ARHGAP31: variants seen among roughly 807,000 people sequenced by gnomAD.
ARHGAP31 encodes rho GTPase-activating protein 31.
In ARHGAP31, 34 loss-of-function variants were observed where a neutral mutation model predicts 113.9. The ratio of observed to expected loss-of-function variants is 0.30; its 90% CI spans 0.23 to 0.40. The LOEUF is 0.40. ARHGAP31 is among the 10% of genes least tolerant of loss of function. The pLI is 1.00. For synonymous variants in ARHGAP31, 650 were observed against 684.8 expected (o/e 0.95, Z 0.79); for missense variants, 1,548 against 1,767.1 (o/e 0.88, Z 2.22).
chr3:119,309,129 A>G (rs2079656511), intron 1 of ARHGAP31, among the ~76,000 whole-genome samples: 1 of 152,228 alleles, frequency 6.6e-6, no homozygotes, highest in South Asian at 2.1e-4. Flanking sequence ...GGTGTGAGCC[A>G]CCGTGCCTGG....
chr3:119,358,997 T>C (rs12163575), intron 1 of ARHGAP31, among the ~76,000 whole-genome samples: 4,838 of 152,122 alleles, frequency 0.032, 121 homozygotes, highest in East Asian at 0.11. Flanking sequence ...TTAATTATAT[T>C]TCAGTTTTTT....
At position 119,415,354 on chromosome 3, in the gene ARHGAP31, T is replaced by G. The variant is rs1553768218; in HGVS notation, c.3425T>G (p.Val1142Gly). ...MQVSEPGDPK[V>G]TWMTSSYCKA... ...GTCTCTGAGCCAGGAGACCCAAAGG[T>G]CACATGGATGACCTCATCTTACTGT... Residue 1142 changes from valine to glycine, a missense_variant, in exon 12 of 12, where the codon GTC (valine) becomes GGC (glycine). Transcript: ENST00000264245. The G allele has an allele frequency of 1.2e-6, 2 of 1,614,002 alleles. No homozygotes were observed. Among genetic ancestry groups the G allele is most frequent in the South Asian group, 2.2e-5 (2 of 91,072 alleles).
intron 1 of ARHGAP31, among the ~76,000 whole-genome samples, chr3:119,359,593 T>C (rs1021579308): frequency 1.3e-5 from 2 of 151,102 alleles, no homozygotes; most frequent in African/African-American, 4.9e-5. Context: ...AGAGGGAAAA[T>C]TGGGGTGGGC....
At chr3:119,326,563 C>T (rs908908718) in intron 1 of ARHGAP31, among the ~76,000 whole-genome samples, 3 of 152,190 alleles carry the variant, frequency 2.0e-5, no homozygotes, top group African/African-American at 7.2e-5. Context: ...GGGGACCCTG[C>T]TGGTCCAGTA....
chr3:119,387,798 G>A (rs1383341688), intron 6 of ARHGAP31, among the ~76,000 whole-genome samples: 1 of 152,198 alleles, frequency 6.6e-6, no homozygotes, highest in African/African-American at 2.4e-5. Flanking sequence ...CTATGGTCTG[G>A]TTGGGAAGAC....
intron 2 of ARHGAP31, among the ~76,000 whole-genome samples, chr3:119,366,947 C>A (rs2080256635): frequency 6.6e-6 from 1 of 151,958 alleles, no homozygotes; most frequent in Admixed American, 6.6e-5. Context: ...ACTAAAAATA[C>A]AAAAATTAGC....
At chr3:119,382,649 C>T (rs2080411758) in intron 5 of ARHGAP31, among the ~76,000 whole-genome samples, 1 of 152,154 alleles carries the variant, frequency 6.6e-6, no homozygotes. Context: ...ACTTATGGGT[C>T]TGTATGTTAA....
chr3:119,378,146 A>G (rs2080364635), intron 3 of ARHGAP31, among the ~76,000 whole-genome samples: 1 of 152,114 alleles, frequency 6.6e-6, no homozygotes, highest in African/African-American at 2.4e-5. Context: ...ACCATTAGCC[A>G]TCTTGGCCTG....
Position 119,416,102 on chromosome 3 carries a change from G to T in ARHGAP31, c.4173G>T (p.Glu1391Asp). The T allele has an allele frequency of 6.2e-7, 1 of 1,614,190 alleles. No homozygotes were observed. The highest frequency in any genetic ancestry group is 8.5e-7 in the Non-Finnish European group (1 of 1,180,042). Residue 1391 changes from glutamate to aspartate, a missense_variant, in exon 12 of 12, where the codon GAG (glutamate) becomes GAT (aspartate). Physicochemically the swap from Glu to Asp is conservative, Grantham distance 45 (BLOSUM62 2). Transcript: ENST00000264245. ...QTVSPGLLCG[E>D]LAENTWVTPE... is the part of the protein sequence containing the mutation. ...TTTCCCCTGGCCTTCTTTGTGGAGAGTTGGCAGAAAACACATGGGTCACAC... is the reference window on the plus strand; with the variant it reads ...TTTCCCCTGGCCTTCTTTGTGGAGATTTGGCAGAAAACACATGGGTCACAC...
At chr3:119,301,992 G>T (rs11919254) in intron 1 of ARHGAP31, among the ~76,000 whole-genome samples, 13,085 of 152,238 alleles carry the variant, frequency 0.086, 884 homozygotes, top group African/African-American at 0.19. Context: ...CCCAGGAACA[G>T]GGAGTTAGCT....
chr3:119,413,043 A>G (rs989008914), intron 11 of ARHGAP31, among the ~76,000 whole-genome samples: 1 of 150,958 alleles, frequency 6.6e-6, no homozygotes, highest in Non-Finnish European at 1.5e-5. Flanking sequence ...AAGGCCGGGC[A>G]TGGTGGCTCA....
chr3:119,412,749 C>A (rs551365760), intron 11 of ARHGAP31, among the ~76,000 whole-genome samples: 2 of 152,086 alleles, frequency 1.3e-5, no homozygotes, highest in Admixed American at 1.3e-4. Flanking sequence ...AGAGACTGGG[C>A]GTGGTGGCTC....
At chr3:119,395,221 C>T (rs1007266590) in intron 8 of ARHGAP31, among the ~76,000 whole-genome samples, 3 of 152,172 alleles carry the variant, frequency 2.0e-5, no homozygotes, top group Admixed American at 1.3e-4. Flanking sequence ...TCAGGAAGTC[C>T]AGATGTTAGA....
At chr3:119,337,116 T>C (rs1312848878) in intron 1 of ARHGAP31, among the ~76,000 whole-genome samples, 1 of 152,204 alleles carries the variant, frequency 6.6e-6, no homozygotes, top group South Asian at 2.1e-4. Flanking sequence ...GTGTCCAGAA[T>C]TGGTGAGCTC....
chr3:119,415,176 G>T lies in ARHGAP31; in HGVS notation c.3247G>T (p.Glu1083Ter). The T allele has an allele frequency of 6.2e-7, 1 of 1,614,212 alleles. No individual in the cohort carries two copies. Among genetic ancestry groups the T allele is most frequent in the African/African-American group, 1.3e-5 (1 of 75,058 alleles). ...PSVQDSTSPGEHPAKLQLKST... is the reference protein window; with the variant it reads ...PSVQDSTSPG ...CGTGCAGGACAGCACTTCGCCTGGA[G>T]AGCACCCCGCAAAGTTACAGCTAAA... The change falls in exon 12 of 12, where the codon GAG becomes TAG. Residue 1083 changes from glutamate to a stop codon, truncating the protein, a stop_gained. Coordinates refer to ENST00000264245, the MANE Select transcript of ARHGAP31 (RefSeq NM_020754.4). LOFTEE classifies it high-confidence loss of function.
At chr3:119,352,999 CT>C (rs34247262) in intron 1 of ARHGAP31, among the ~76,000 whole-genome samples, 1 of 152,296 alleles carries the variant, frequency 6.6e-6, no homozygotes, top group Non-Finnish European at 1.5e-5. Flanking sequence ...TTACTAAGTA[CT>C]TATTATATGC....
chr3:119,330,540 C>T, intron 1 of ARHGAP31, among the ~76,000 whole-genome samples: 1 of 152,108 alleles, frequency 6.6e-6, no homozygotes. Flanking sequence ...TTTCTTTCCA[C>T]CATCAATTAG....
rs539048828 is a variant in ARHGAP31 at position 119,414,109 on chromosome 3, C to T, written c.2180C>T (p.Thr727Ile). ...ACTAGGGATCCAGCCAATCAGAGCA[C>T]ACAGGGGGCTTCCACAGCAGCCAGC... ...VWTRDPANQS[T>I]QGASTAASRE... Residue 727 changes from threonine to isoleucine, a missense_variant, in exon 12 of 12, where the codon ACA becomes ATA. Thr to Ile is a moderately conservative substitution (Grantham distance 89). Transcript: ENST00000264245. 404 of 1,614,208 alleles carry T rather than the reference C, an allele frequency of 2.5e-4. 3 individuals are homozygous for T. In the South Asian group the frequency reaches 3.1e-3, roughly 12 times the overall value.
At chr3:119,362,838 T>G (rs1226636499) in intron 1 of ARHGAP31, among the ~76,000 whole-genome samples, 1 of 151,430 alleles carries the variant, frequency 6.6e-6, no homozygotes, top group African/African-American at 2.4e-5. Flanking sequence ...GTCATCTACC[T>G]CAAGTGCCCA....
Sources: allele counts gnomAD v4.1 joint callset (sites outside exome capture counted in the v4.1 genomes callset), GRCh38; gene constraint gnomAD v4.1.1; transcripts MANE v1.5; gene names NCBI Gene and HGNC (gene_info 2026-07-23, HGNC 2026-07-21).